The following GC variants were observed in gnomAD, a reference collection of about 807,000 sequenced individuals.
The protein encoded by GC is vitamin D-binding protein.
Under a neutral mutation model 56.7 loss-of-function variants are expected in GC, and 43 were observed. The observed-to-expected ratio is 0.76, with a 90% CI of 0.59 to 0.98. GC has a LOEUF of 0.98. Ranked by LOEUF, GC falls within the 50% of genes least tolerant of loss-of-function variation. The pLI is 0.00. For missense variants in GC, 529 were observed against 545.9 expected (o/e 0.97, Z 0.31); for synonymous variants, 216 against 202.7 (o/e 1.07, Z -0.56).
rs1742766050 is a variant in GC, at chr4:71,783,973, C to T, written c.46G>A (p.Ala16Thr). The part of the protein sequence containing the change: ...VLLLAVAFGH[A>T]LERGRDYEKN... ...AAAGAAATCTTACCTCTCTCTAAAGCATGTCCAAATGCCACAGCAAGCAGT... is the reference window on the plus strand; with the variant it reads ...AAAGAAATCTTACCTCTCTCTAAAGTATGTCCAAATGCCACAGCAAGCAGT... Residue 16 changes from alanine (A) to threonine (T), a missense_variant, in exon 1 of 13, where the codon GCT becomes ACT. Ala to Thr is a moderately conservative substitution (Grantham distance 58). Coordinates refer to ENST00000273951, the MANE Select transcript of GC (RefSeq NM_000583.4). The T allele has an allele frequency of 1.9e-6, 3 of 1,601,224 alleles. No individual in the cohort carries two copies. Among genetic ancestry groups the T allele is most frequent in the African/African-American group, 2.7e-5 (2 of 74,324 alleles).
At chr4:71,769,819 G>A (rs1248308307) in intron 1 of GC, among the ~76,000 whole-genome samples, 1 of 151,974 alleles carries the variant, frequency 6.6e-6, no homozygotes, top group Admixed American at 6.6e-5. Context: ...CCTAAGGCCT[G>A]AAAAGAAAAA....
At chr4:71,801,602 G>A (rs1022763424) in intron 1 of GC, among the ~76,000 whole-genome samples, 1 of 151,966 alleles carries the variant, frequency 6.6e-6, no homozygotes, top group African/African-American at 2.4e-5. Context: ...ATGAAAACAG[G>A]GACCTCCTTA....
At position 71,780,639 on chromosome 4, in the gene GC, C is replaced by T. The variant is rs377097395; in HGVS notation, c.58+3322G>A. Among the ~76,000 whole-genome samples, 32 of 152,214 alleles carry T rather than the reference C, an allele frequency of 2.1e-4. No homozygotes were observed. The South Asian group carries it at 4.6e-3, about 22-fold the overall frequency. ...CCAAAAAACACATGAAAAAAATGCT[C>T]ATCATCACTGGTCATCAGAGGAATG... On this transcript the variant is annotated intron_variant, in intron 1 of 12. Transcript: ENST00000273951.
At chr4:71,781,549 G>A (rs1742681685) in intron 1 of GC, among the ~76,000 whole-genome samples, 1 of 151,478 alleles carries the variant, frequency 6.6e-6, no homozygotes, top group African/African-American at 2.4e-5. Context: ...GGTCATTAAG[G>A]TAACTTTTCT....
chr4:71,752,872 G>A (rs1741602428), intron 10 of GC, among the ~76,000 whole-genome samples: 1 of 152,076 alleles, frequency 6.6e-6, no homozygotes, highest in South Asian at 2.1e-4. Context: ...ACAAATCGCT[G>A]CTGAATTGGA....
chr4:71,745,286 A>C (rs1244029149), intron 12 of GC, among the ~76,000 whole-genome samples: 1 of 152,194 alleles, frequency 6.6e-6, no homozygotes, highest in Non-Finnish European at 1.5e-5. Flanking sequence ...TTTCTTGACC[A>C]TCCCCCTTGT....
chr4:71,799,791 AG>A (rs1422935391), intron 1 of GC, among the ~76,000 whole-genome samples: 1 of 152,204 alleles, frequency 6.6e-6, no homozygotes, highest in East Asian at 1.9e-4. Flanking sequence ...TTGTGGTGAA[AG>A]GCAACTAGGG....
intron 4 of GC, 92 bp downstream of exon 4, chr4:71,765,340 T>C: frequency 1.0e-6 from 1 of 973,008 alleles, no homozygotes; most frequent in Non-Finnish European, 1.6e-6. Context: ...CAGGTTGCTG[T>C]AGAAGAGGTG....
upstream of GC, chr4:71,784,291 G>A: frequency 8.8e-7 from 1 of 1,139,764 alleles, no homozygotes; most frequent in Non-Finnish European, 1.1e-6. Context: ...CATTAACTTT[G>A]TCAAACTGCA....
At chr4:71,776,009 T>G (rs755085796) in intron 1 of GC, among the ~76,000 whole-genome samples, 52 of 152,028 alleles carry the variant, frequency 3.4e-4, no homozygotes, top group Non-Finnish European at 1.3e-4. Flanking sequence ...AGATAAGCAT[T>G]GGCAAAAATG....
At chr4:71,795,553 T>C (rs1031560937) in intron 1 of GC, among the ~76,000 whole-genome samples, 19 of 152,250 alleles carry the variant, frequency 1.2e-4, no homozygotes, top group African/African-American at 4.6e-4. Context: ...TGTGTGTCTC[T>C]GCATGTGAAA....
chr4:71,761,282 C>T (rs222006), intron 6 of GC, among the ~76,000 whole-genome samples: 15,209 of 152,074 alleles, frequency 0.1, 876 homozygotes, highest in African/African-American at 0.12. Context: ...CATTTTGCCC[C>T]GGCCCTGAAG....
intron 1 of GC, among the ~76,000 whole-genome samples, chr4:71,791,711 C>T (rs759264876): frequency 3.3e-5 from 5 of 151,462 alleles, no homozygotes; most frequent in Admixed American, 6.6e-5. Flanking sequence ...TACATGTGCA[C>T]AATGTGCAGG....
chr4:71,763,734 T>C, intron 5 of GC, 70 bp downstream of exon 5: 2 of 1,338,360 alleles, frequency 1.5e-6, no homozygotes, highest in Non-Finnish European at 2.1e-6. Flanking sequence ...TCTCAATTTC[T>C]ACCATTATCT....
intron 1 of GC, among the ~76,000 whole-genome samples, chr4:71,795,905 T>C (rs1743090149): frequency 2.0e-5 from 3 of 152,342 alleles, no homozygotes; most frequent in Admixed American, 2.0e-4. Context: ...TTATTTCTCC[T>C]TCATTTATGA....
chr4:71,754,502 G>C lies in GC; in HGVS notation c.1171C>G (p.Leu391Val). Residue 391 changes from leucine (L) to valine (V), a missense_variant, in exon 10 of 13, where the codon CTA becomes GTA. By Grantham distance (32) the Leu-to-Val change is conservative. Transcript: ENST00000273951. ...STTCFNAKGPLLKKELSSFID... is the reference protein window; with the variant it reads ...STTCFNAKGPVLKKELSSFID... ...AAAGAAGATAGTTCCTTCTTTAGTA[G>C]AGGGCCCTGTAAGAAAACAATAATT... 1 of 1,513,074 alleles carries C rather than the reference G, an allele frequency of 6.6e-7. No homozygotes were observed. Among genetic ancestry groups the C allele is most frequent in the East Asian group, 2.3e-5 (1 of 44,372 alleles). 93.7% of individuals were successfully genotyped at this position (1,513,074 alleles called of 1,614,324 possible).
At position 71,765,317 on chromosome 4, in the gene GC, A is replaced by G. The variant is rs963073677; in HGVS notation, c.473+115T>C. On this transcript the variant is annotated intron_variant, in intron 4 of 12. Coordinates refer to ENST00000273951, the MANE Select transcript of GC (RefSeq NM_000583.4). ...GGCTGTCTCAGATGACAGTCAAGTT[A>G]TCAGAATTTGTTCAGGTTGCTGTAG... 6 of 791,094 alleles carry G rather than the reference A, an allele frequency of 7.6e-6. 1 individual carries two copies. In the East Asian group the frequency reaches 1.5e-4, roughly 20 times the overall value. The allele number at this position is 791,094 out of a possible 1,614,324, so 49.0% of individuals were successfully genotyped here.
chr4:71,770,254 A>T (rs1742302264), intron 1 of GC, among the ~76,000 whole-genome samples: 1 of 152,138 alleles, frequency 6.6e-6, no homozygotes, highest in South Asian at 2.1e-4. Flanking sequence ...TGCAGACCTG[A>T]TGTAGCTCAA....
intron 1 of GC, among the ~76,000 whole-genome samples, chr4:71,777,673 A>G (rs1742550370): frequency 6.6e-6 from 1 of 150,998 alleles, no homozygotes; most frequent in Non-Finnish European, 1.5e-5. Context: ...TTGCAGCAGA[A>G]CTGATAATAT....
Sources: allele counts gnomAD v4.1 joint callset (sites outside exome capture counted in the v4.1 genomes callset), GRCh38; gene constraint gnomAD v4.1.1; transcripts MANE v1.5; gene names NCBI Gene and HGNC (gene_info 2026-07-23, HGNC 2026-07-21).